Variants in CSNK1G1 observed in about 807,000 individuals in gnomAD.
CSNK1G1 encodes casein kinase I isoform gamma-1.
Under a neutral mutation model 59.6 loss-of-function variants are expected in CSNK1G1, and 22 were observed. The observed-to-expected ratio is 0.37, with a 90% CI of 0.26 to 0.53. CSNK1G1 has a LOEUF of 0.53. Ranked by LOEUF, CSNK1G1 falls within the 20% of genes least tolerant of loss-of-function variation. The pLI, the probability that CSNK1G1 is intolerant of heterozygous loss-of-function variation, is 0.89. For synonymous variants in CSNK1G1, 179 were observed against 177.1 expected (o/e 1.01, Z -0.08); for missense variants, 384 against 519.5 (o/e 0.74, Z 2.54).
At chr15:64,222,431 CACCACCAAAAAA>C (rs1416892412) in intron 4 of CSNK1G1, among the ~76,000 whole-genome samples, 2 of 66,738 alleles carry the variant, frequency 3.0e-5, no homozygotes, top group African/African-American at 1.6e-4. Flanking sequence ...ACAACAACAA[CACCACCAAAAAA>C]AAAAAAAAAA....
intron 3 of CSNK1G1, among the ~76,000 whole-genome samples, chr15:64,252,888 C>A (rs1467840196): frequency 2.0e-5 from 3 of 152,080 alleles, no homozygotes; most frequent in Admixed American, 2.0e-4. Context: ...CAAACATTAC[C>A]CTAAACACAT....
intron 4 of CSNK1G1, among the ~76,000 whole-genome samples, chr15:64,219,554 G>A (rs973749759): frequency 6.6e-6 from 1 of 151,876 alleles, no homozygotes; most frequent in African/African-American, 2.4e-5. Context: ...GACCTCCTGG[G>A]ACCAAGCAAT....
At chr15:64,318,989 T>TA (rs959995776) in intron 1 of CSNK1G1, among the ~76,000 whole-genome samples, 1 of 151,880 alleles carries the variant, frequency 6.6e-6, no homozygotes, top group Non-Finnish European at 1.5e-5. Flanking sequence ...TAGCTGGAAC[T>TA]ACAGGCACAC....
intron 2 of CSNK1G1, among the ~76,000 whole-genome samples, chr15:64,271,941 G>A (rs542897919): frequency 5.1e-4 from 78 of 152,146 alleles, no homozygotes; most frequent in Admixed American, 1.0e-3. Context: ...CTCCTGTGTC[G>A]GGTGCATATA....
intron 10 of CSNK1G1, chr15:64,181,090 C>T (rs981246449): frequency 4.5e-6 from 6 of 1,337,950 alleles, no homozygotes; most frequent in Middle Eastern, 2.5e-4. Flanking sequence ...TGGCTTTGAG[C>T]ACTGGTTCGA....
chr15:64,205,596 T>C (rs1021802628), intron 7 of CSNK1G1, among the ~76,000 whole-genome samples: 4 of 152,202 alleles, frequency 2.6e-5, no homozygotes, highest in African/African-American at 9.7e-5. Context: ...GGAATTCTTG[T>C]CAGGCTTTAC....
At chr15:64,326,638 T>G (rs1320661039) in intron 1 of CSNK1G1, among the ~76,000 whole-genome samples, 1 of 150,470 alleles carries the variant, frequency 6.6e-6, no homozygotes, top group African/African-American at 2.4e-5. Context: ...AGCGAAACTC[T>G]GTATCAAAAA....
intron 1 of CSNK1G1, among the ~76,000 whole-genome samples, chr15:64,324,616 C>T (rs535576897): frequency 6.6e-6 from 1 of 152,360 alleles, no homozygotes; most frequent in East Asian, 1.9e-4. Context: ...TTTTGGGACT[C>T]AGACTGGCTT....
rs768405168 is a variant in CSNK1G1, at chr15:64,229,939, T to TTTA, written c.293-13227_293-13226insTAA. On this transcript the variant is annotated intron_variant, in intron 4 of 11. Coordinates refer to ENST00000303052, the MANE Select transcript of CSNK1G1 (RefSeq NM_022048.5). Reference sequence around the variant, plus strand: ...TTTTTTTTTTTTTTTTTTTTTTTTTTAAGACAGAATCTCACTCTGTCGCCC... The same window carrying TTTA: ...TTTTTTTTTTTTTTTTTTTTTTTTTTTTAAAGACAGAATCTCACTCTGTCGCCC... Among the ~76,000 whole-genome samples, 112 of 121,544 alleles carry TTTA rather than the reference T, an allele frequency of 9.2e-4. 5 individuals carry two copies. The highest frequency in any genetic ancestry group is 8.8e-3 in the Middle Eastern group (2 of 228). 79.7% of individuals were successfully genotyped at this position (121,544 alleles called of 152,430 possible).
chr15:64,309,965 T>TA lies in CSNK1G1; in HGVS notation c.-224-9243dup, dbSNP rs71133419. ...TCTCTACAAACAGACTTTTTTTTTT[T>TA]AAATTAGCAGGGTGGCACATGCCTG... On this transcript the variant is annotated intron_variant, in intron 1 of 11. Transcript: ENST00000303052. 8.8e-3 allele frequency among the ~76,000 whole-genome samples: 1,325 copies of TA among 151,268 alleles called. 16 individuals are homozygous for TA. The highest frequency in any genetic ancestry group is 0.027 in the Middle Eastern group (8 of 294).
At chr15:64,173,227 T>A (rs1451535762) in intron 11 of CSNK1G1, among the ~76,000 whole-genome samples, 1 of 152,238 alleles carries the variant, frequency 6.6e-6, no homozygotes, top group Non-Finnish European at 1.5e-5. Flanking sequence ...CAAGATTCCC[T>A]CTCTTTTTAG....
chr15:64,167,029 G>C lies in CSNK1G1; in HGVS notation c.*4902C>G, dbSNP rs148684603. ...CCTTGAAAGGTGATTTACAAATACCGGAAGTGGGTTTTCTGGTTGTGTTTT... is the reference window on the plus strand; with the variant it reads ...CCTTGAAAGGTGATTTACAAATACCCGAAGTGGGTTTTCTGGTTGTGTTTT... On this transcript the variant is annotated 3_prime_UTR_variant, in exon 12 of 12. Transcript: ENST00000303052. 3.3e-5 allele frequency: 5 copies of C among 152,270 alleles called. No individual in the cohort carries two copies. The highest frequency in any genetic ancestry group is 7.2e-5 in the African/African-American group (3 of 41,572). 9.4% of individuals were successfully genotyped at this position (152,270 alleles called of 1,614,324 possible). A position where few individuals can be genotyped will look rare whatever the true frequency, so the allele number is the denominator to read the frequency against.
intron 4 of CSNK1G1, among the ~76,000 whole-genome samples, chr15:64,225,881 C>T (rs1306607005): frequency 1.3e-5 from 2 of 152,222 alleles, no homozygotes; most frequent in Admixed American, 1.3e-4. Flanking sequence ...CCTGCCTCGG[C>T]CTCCCGAAGT....
chr15:64,234,603 TCTACTCC>T (rs1362999889), intron 4 of CSNK1G1, among the ~76,000 whole-genome samples: 1 of 152,242 alleles, frequency 6.6e-6, no homozygotes, highest in African/African-American at 2.4e-5. Flanking sequence ...GCTCTCAGTT[TCTACTCC>T]CTACTTTAAC....
At chr15:64,237,821 C>A (rs1485217651) in intron 4 of CSNK1G1, among the ~76,000 whole-genome samples, 2 of 152,180 alleles carry the variant, frequency 1.3e-5, no homozygotes, top group Non-Finnish European at 2.9e-5. Flanking sequence ...CACTGCTTAT[C>A]TTTTATGAGG....
intron 11 of CSNK1G1, among the ~76,000 whole-genome samples, chr15:64,174,583 C>T (rs1309370510): frequency 6.6e-6 from 1 of 152,192 alleles, no homozygotes; most frequent in Non-Finnish European, 1.5e-5. Context: ...GCTTAGGTTT[C>T]CTTTCAGTTG....
intron 4 of CSNK1G1, among the ~76,000 whole-genome samples, chr15:64,227,206 C>T (rs1028998757): frequency 1.3e-5 from 2 of 152,174 alleles, no homozygotes; most frequent in Admixed American, 6.5e-5. Context: ...AAAATGTGCA[C>T]GAATACTAAC....
intron 2 of CSNK1G1, among the ~76,000 whole-genome samples, chr15:64,295,085 T>C (rs182905262): frequency 2.5e-4 from 38 of 152,196 alleles, no homozygotes; most frequent in African/African-American, 9.1e-4. Flanking sequence ...GATTTCTTAA[T>C]CCCTATCTCA....
At chr15:64,346,661 T>G (rs371241580) in intron 1 of CSNK1G1, among the ~76,000 whole-genome samples, 2 of 152,026 alleles carry the variant, frequency 1.3e-5, no homozygotes, top group East Asian at 3.8e-4. Context: ...TTTCACCACA[T>G]TGGCCATGCT....
Sources: gnomAD v4.1 joint callset for allele counts (sites outside exome capture counted in the v4.1 genomes callset) on GRCh38, gnomAD v4.1.1 for gene constraint, MANE v1.5 for transcripts, NCBI Gene and HGNC (gene_info 2026-07-23, HGNC 2026-07-21) for gene names.